The following ZFHX3 variants were observed in gnomAD, a reference collection of about 807,000 sequenced individuals.
ZFHX3 encodes zinc finger homeobox 3, also known as zinc finger homeobox protein 3.
ZFHX3 carries 42 observed loss-of-function variants against 279.1 expected under a neutral mutation model. That is an observed-to-expected ratio of 0.15 (90% confidence interval 0.12 to 0.19). The LOEUF (loss-of-function observed/expected upper bound fraction) is 0.19, where lower values mean the gene tolerates loss of function less well. Among genes scored for constraint, ZFHX3 ranks in the 10% least tolerant of loss-of-function variants. The pLI, the probability that ZFHX3 is intolerant of heterozygous loss-of-function variation, is 1.00. For synonymous variants in ZFHX3, 2,293 were observed against 1,957.8 expected (o/e 1.17, Z -4.52); for missense variants, 4,981 against 4,754.0 (o/e 1.05, Z -1.40).
chr16:73,156,848 G>C (rs1388166209), intron 5 of ZFHX3, among the ~76,000 whole-genome samples: 1 of 152,080 alleles, frequency 6.6e-6, no homozygotes, highest in Non-Finnish European at 1.5e-5. Flanking sequence ...CGAGTAGCTG[G>C]GATTACAGGC....
At chr16:73,790,302 G>C (rs1392301304) in intron 1 of ZFHX3, among the ~76,000 whole-genome samples, 1 of 149,122 alleles carries the variant, frequency 6.7e-6, no homozygotes, top group African/African-American at 2.5e-5. Flanking sequence ...CGTCATTATA[G>C]AGAAAAAGTG....
rs554817296 is a variant in ZFHX3 at position 73,704,375 on chromosome 16, C to T, written c.-1607-24135G>A. Among the ~76,000 whole-genome samples, 27 of 152,248 alleles carry T rather than the reference C, an allele frequency of 1.8e-4. No homozygotes were observed. The South Asian group carries it at 5.0e-3, about 28-fold the overall frequency. On this transcript the variant is annotated intron_variant, in intron 1 of 17. Transcript: ENST00000641206. ...AACAAGAAATTGCTCTTACAGAGCACCTCAAACACAGAAGAAAGAAAATGC... is the reference window on the plus strand; with the variant it reads ...AACAAGAAATTGCTCTTACAGAGCATCTCAAACACAGAAGAAAGAAAATGC...
intron 3 of ZFHX3, among the ~76,000 whole-genome samples, chr16:73,355,090 A>G (rs540938534): frequency 1.3e-5 from 2 of 152,202 alleles, no homozygotes; most frequent in African/African-American, 4.8e-5. Context: ...AATCTCCTAG[A>G]GGTGTGTTCG....
intron 1 of ZFHX3, among the ~76,000 whole-genome samples, chr16:72,979,838 A>C (rs1962507768): frequency 1.3e-5 from 2 of 152,182 alleles, no homozygotes; most frequent in Non-Finnish European, 2.9e-5. Context: ...CTACACACTG[A>C]GTCAAATTTG....
chr16:73,057,371 A>G (rs1003831922), intron 1 of ZFHX3, among the ~76,000 whole-genome samples: 1 of 152,190 alleles, frequency 6.6e-6, no homozygotes, highest in Non-Finnish European at 1.5e-5. Flanking sequence ...TTAATTATAT[A>G]CACTGCATGA....
intron 1 of ZFHX3, among the ~76,000 whole-genome samples, chr16:73,745,701 G>C (rs111634371): frequency 0.016 from 2,441 of 152,282 alleles, 81 homozygotes; most frequent in African/African-American, 0.055. Context: ...GGATCCCATA[G>C]TTTTCAAAGC....
At chr16:73,356,492 C>T (rs763606273) in intron 3 of ZFHX3, among the ~76,000 whole-genome samples, 6 of 152,018 alleles carry the variant, frequency 3.9e-5, no homozygotes, top group Admixed American at 6.6e-5. Flanking sequence ...CACGCTGAGA[C>T]GGGACCCCTC....
At chr16:73,111,401 A>G (rs1348656339) in intron 7 of ZFHX3, among the ~76,000 whole-genome samples, 3 of 152,242 alleles carry the variant, frequency 2.0e-5, no homozygotes. Context: ...TTAAACATTA[A>G]AGAATCAAAT....
intron 5 of ZFHX3, among the ~76,000 whole-genome samples, chr16:73,256,834 T>A (rs903311621): frequency 1.3e-5 from 2 of 152,122 alleles, no homozygotes; most frequent in Non-Finnish European, 2.9e-5. Flanking sequence ...GTGAATCTCC[T>A]CTCCATCAAG....
intron 4 of ZFHX3, among the ~76,000 whole-genome samples, chr16:72,869,790 T>C (rs1336499134): frequency 1.3e-5 from 2 of 152,174 alleles, no homozygotes; most frequent in Admixed American, 1.3e-4. Context: ...TCCAAGCATA[T>C]CCTCACTAGA....
At chr16:73,752,535 T>C (rs1001410248) in intron 1 of ZFHX3, among the ~76,000 whole-genome samples, 1 of 152,166 alleles carries the variant, frequency 6.6e-6, no homozygotes, top group South Asian at 2.1e-4. Context: ...GGCCTCTCTC[T>C]TCCTGGTCCC....
At chr16:72,961,077 C>A (rs961919314) in intron 1 of ZFHX3, among the ~76,000 whole-genome samples, 16 of 152,264 alleles carry the variant, frequency 1.1e-4, no homozygotes, top group Admixed American at 2.6e-4. Context: ...GTATTTCCAG[C>A]AGGAATGGAC....
rs2053032858 is a variant in ZFHX3 at position 73,682,916 on chromosome 16, GAGAGAAAGAGAAAGAAAGAA to G, written c.-1607-2696_-1607-2677del. ...AAAGAAAGAAAGAAAGAGAAAGAAAGAGAGAAAGAGAAAGAAAGAAAGAAAGAAAGAAAGAAAGAAAGAAA... is the reference window on the plus strand; with the variant it reads ...AAAGAAAGAAAGAAAGAGAAAGAAAGAGAAAGAAAGAAAGAAAGAAAGAAA... On this transcript the variant is annotated intron_variant, in intron 1 of 17. Transcript: ENST00000641206. Among the ~76,000 whole-genome samples the G allele has an allele frequency of 4.3e-4, 13 of 29,924 alleles. 1 individual carries two copies. The highest frequency in any genetic ancestry group is 7.1e-4 in the African/African-American group (7 of 9,924). 19.6% of individuals were successfully genotyped at this position (29,924 alleles called of 152,430 possible). A position where few individuals can be genotyped will look rare whatever the true frequency, so the allele number is the denominator to read the frequency against.
chr16:73,379,589 T>G (rs2016785435), intron 3 of ZFHX3, among the ~76,000 whole-genome samples: 1 of 152,090 alleles, frequency 6.6e-6, no homozygotes. Flanking sequence ...TGCAAAGTTA[T>G]CTCCACAGAG....
intron 1 of ZFHX3, among the ~76,000 whole-genome samples, chr16:73,856,950 G>A (rs758253760): frequency 3.9e-5 from 6 of 152,212 alleles, no homozygotes; most frequent in South Asian, 2.1e-4. Context: ...AATGTCCAAC[G>A]TGAAATGAAC....
At chr16:73,031,279 C>CG (rs35908157) in intron 1 of ZFHX3, among the ~76,000 whole-genome samples, 9,344 of 151,436 alleles carry the variant, frequency 0.062, 343 homozygotes, top group Middle Eastern at 0.11. Context: ...AGCCTGGCGG[C>CG]GGGGGGGGAA....
chr16:72,913,119 A>G (rs1215005481), intron 3 of ZFHX3, among the ~76,000 whole-genome samples: 1 of 152,258 alleles, frequency 6.6e-6, no homozygotes, highest in East Asian at 1.9e-4. Context: ...AGTTGTAAAG[A>G]TACAATGAGT....
At chr16:73,791,783 A>C (rs1284187537) in intron 1 of ZFHX3, among the ~76,000 whole-genome samples, 4 of 152,228 alleles carry the variant, frequency 2.6e-5, no homozygotes, top group African/African-American at 9.6e-5. Context: ...TGGGAACCGC[A>C]CTTGCAAACC....
At chr16:73,190,434 T>C (rs1376263889) in intron 5 of ZFHX3, among the ~76,000 whole-genome samples, 1 of 152,234 alleles carries the variant, frequency 6.6e-6, no homozygotes, top group Non-Finnish European at 1.5e-5. Context: ...GATTGCCTTT[T>C]TCTGGACATG....
Sources: allele counts gnomAD v4.1 joint callset (sites outside exome capture counted in the v4.1 genomes callset), GRCh38; gene constraint gnomAD v4.1.1; transcripts MANE v1.5; gene names NCBI Gene and HGNC (gene_info 2026-07-23, HGNC 2026-07-21).